Variants in RNF150 observed in about 807,000 individuals in gnomAD.
The protein encoded by RNF150 is ring finger protein 150.
A neutral mutation model predicts 39.3 loss-of-function variants in RNF150; 24 were observed. The ratio of observed to expected loss-of-function variants is 0.61; its 90% CI spans 0.44 to 0.86. The LOEUF (loss-of-function observed/expected upper bound fraction) is 0.86. Ranked by LOEUF, RNF150 falls within the 40% of genes least tolerant of loss-of-function variation. RNF150 has a pLI of 0.00. For missense variants in RNF150, 502 were observed against 587.8 expected, an observed-to-expected ratio of 0.85 and a Z score of 1.51; for synonymous variants, 255 against 227.3, an observed-to-expected ratio of 1.12 and a Z score of -1.10.
intron 1 of RNF150, among the ~76,000 whole-genome samples, chr4:141,065,486 T>C (rs899348606): frequency 2.0e-5 from 3 of 152,178 alleles, no homozygotes; most frequent in Non-Finnish European, 4.4e-5. Flanking sequence ...AAGTGTTCTA[T>C]ACCAGGGGTA....
At chr4:141,107,723 C>T (rs1460330048) in intron 1 of RNF150, among the ~76,000 whole-genome samples, 1 of 152,136 alleles carries the variant, frequency 6.6e-6, no homozygotes, top group Non-Finnish European at 1.5e-5. Flanking sequence ...CTGTATACTA[C>T]CCTCCTCTCC....
rs186207145 is a variant in RNF150 at position 141,113,725 on chromosome 4, T to G, written c.484+18600A>C. Among the ~76,000 whole-genome samples the G allele has an allele frequency of 6.7e-3, 1,018 of 152,236 alleles. 5 individuals are homozygous for G. The highest frequency in any genetic ancestry group is 0.012 in the Non-Finnish European group (801 of 67,996). ...AATCAACAGAATATACATTCTTCTC[T>G]GCACCACATTGCACTTATTCTAAAA... On this transcript the variant is annotated intron_variant, in intron 1 of 6. Transcript: ENST00000515673.
At chr4:141,089,632 C>T (rs567167987) in intron 1 of RNF150, among the ~76,000 whole-genome samples, 3 of 150,624 alleles carry the variant, frequency 2.0e-5, no homozygotes, top group African/African-American at 7.3e-5. Context: ...AGATATCTAC[C>T]CAATTCATAA....
intron 1 of RNF150, among the ~76,000 whole-genome samples, chr4:141,123,726 GGT>G: frequency 6.6e-6 from 1 of 152,068 alleles, no homozygotes; most frequent in African/African-American, 2.4e-5. Flanking sequence ...AACAGGCCCT[GGT>G]GTGTGGTGTT....
intron 1 of RNF150, among the ~76,000 whole-genome samples, chr4:141,200,607 C>A (rs1578794227): frequency 6.6e-6 from 1 of 152,278 alleles, no homozygotes; most frequent in Admixed American, 6.5e-5. Flanking sequence ...AAAGACTCCA[C>A]CTCCTAATAC....
intron 1 of RNF150, among the ~76,000 whole-genome samples, chr4:141,175,905 G>A (rs1003203369): frequency 6.6e-6 from 1 of 151,964 alleles, no homozygotes; most frequent in South Asian, 2.1e-4. Flanking sequence ...TTTTTTTTGA[G>A]ACAGGGTCTC....
intron 1 of RNF150, among the ~76,000 whole-genome samples, chr4:141,019,699 C>A (rs1735416438): frequency 6.6e-6 from 1 of 152,256 alleles, no homozygotes; most frequent in East Asian, 1.9e-4. Context: ...GAGCAAATAT[C>A]TCTTTTATGT....
chr4:141,164,174 T>A (rs2572240), intron 1 of RNF150, among the ~76,000 whole-genome samples: 2 of 151,136 alleles, frequency 1.3e-5, no homozygotes, highest in African/African-American at 2.4e-5. Context: ...TATCAATAGC[T>A]GAATTGATCA....
chr4:140,909,838 T>A (rs1730523859), intron 6 of RNF150, among the ~76,000 whole-genome samples: 2 of 152,226 alleles, frequency 1.3e-5, no homozygotes, highest in African/African-American at 4.8e-5. Context: ...TTAAAGGTCC[T>A]ATTTATCAAA....
chr4:140,935,078 TAATATATATAATA>T, intron 4 of RNF150, among the ~76,000 whole-genome samples: 1 of 98,230 alleles, frequency 1.0e-5, no homozygotes, highest in Admixed American at 1.1e-4. Flanking sequence ...AATATATATA[TAATATATATAATA>T]AATATATATA....
intron 1 of RNF150, among the ~76,000 whole-genome samples, chr4:140,986,575 A>G (rs1353085531): frequency 6.6e-6 from 1 of 151,968 alleles, no homozygotes; most frequent in Non-Finnish European, 1.5e-5. Flanking sequence ...GTTTATAGTA[A>G]TATTTCTTGG....
At chr4:141,175,725 G>C (rs1358124228) in intron 1 of RNF150, among the ~76,000 whole-genome samples, 1 of 152,182 alleles carries the variant, frequency 6.6e-6, no homozygotes, top group Non-Finnish European at 1.5e-5. Flanking sequence ...ATAAACAACA[G>C]AAATCTATTT....
intron 1 of RNF150, among the ~76,000 whole-genome samples, chr4:141,139,783 C>T (rs1727086434): frequency 6.6e-6 from 1 of 152,088 alleles, no homozygotes; most frequent in African/African-American, 2.4e-5. Flanking sequence ...GAGTAACTTG[C>T]CCGAGGCCAT....
At chr4:140,890,666 A>C (rs533789635) in intron 6 of RNF150, among the ~76,000 whole-genome samples, 83 of 152,332 alleles carry the variant, frequency 5.4e-4, no homozygotes, top group African/African-American at 1.9e-3. Flanking sequence ...TCTCACTAGA[A>C]GTCAACCATG....
At chr4:141,193,571 T>C (rs904289297) in intron 1 of RNF150, among the ~76,000 whole-genome samples, 2 of 152,240 alleles carry the variant, frequency 1.3e-5, no homozygotes, top group East Asian at 3.8e-4. Flanking sequence ...CCTCTCTTTA[T>C]GGCACTTAGA....
chr4:141,137,809 A>C (rs563850855), upstream of RNF150, among the ~76,000 whole-genome samples: 210 of 152,296 alleles, frequency 1.4e-3, 1 homozygote, highest in Middle Eastern at 3.4e-3. Context: ...GCTCCCTAAA[A>C]TAGTTTTTAA....
At chr4:141,148,721 G>A (rs765692845) in intron 1 of RNF150, among the ~76,000 whole-genome samples, 24 of 152,144 alleles carry the variant, frequency 1.6e-4, no homozygotes, top group Non-Finnish European at 2.8e-4. Flanking sequence ...GATTACAGGC[G>A]TGCACCACCA....
chr4:141,151,409 GACAC>G (rs869289733), intron 1 of RNF150, among the ~76,000 whole-genome samples: 2,110 of 121,936 alleles, frequency 0.017, 54 homozygotes, highest in African/African-American at 0.055. Flanking sequence ...CATCTCTACA[GACAC>G]ACACACACAC....
At chr4:140,871,021 T>TACACACAC (rs146589962) in intron 6 of RNF150, among the ~76,000 whole-genome samples, 2 of 149,920 alleles carry the variant, frequency 1.3e-5, no homozygotes, top group African/African-American at 4.9e-5. Flanking sequence ...TATATATGTA[T>TACACACAC]ACACACACAC....
Sources: allele counts gnomAD v4.1 joint callset (sites outside exome capture counted in the v4.1 genomes callset), GRCh38; gene constraint gnomAD v4.1.1; transcripts MANE v1.5; gene names NCBI Gene and HGNC (gene_info 2026-07-23, HGNC 2026-07-21).